Variants in TMEM108 observed in about 807,000 individuals in gnomAD.
The protein encoded by TMEM108 is transmembrane protein 108, also known as cancer/testis antigen 124.
A neutral mutation model predicts 35.1 loss-of-function variants in TMEM108; 12 were observed. The observed-to-expected ratio is 0.34, with a 90% CI of 0.22 to 0.55. The LOEUF (loss-of-function observed/expected upper bound fraction) is 0.55, where lower values mean the gene tolerates loss of function less well. TMEM108 is among the 20% of genes least tolerant of loss of function. The pLI is 0.89. For missense variants in TMEM108, 680 were observed against 753.3 expected, an observed-to-expected ratio of 0.90 and a Z score of 1.14; for synonymous variants, 287 against 308.6, an observed-to-expected ratio of 0.93 and a Z score of 0.73.
chr3:133,269,918 T>C (rs999320408), intron 3 of TMEM108, among the ~76,000 whole-genome samples: 1 of 152,166 alleles, frequency 6.6e-6, no homozygotes, highest in African/African-American at 2.4e-5. Flanking sequence ...ACACCAAACC[T>C]TGAGTGAGTA....
chr3:133,171,232 T>A (rs1945126302), intron 2 of TMEM108, among the ~76,000 whole-genome samples: 1 of 152,244 alleles, frequency 6.6e-6, no homozygotes, highest in Non-Finnish European at 1.5e-5. Flanking sequence ...TATAAATGGA[T>A]GCATGTGATG....
chr3:133,176,042 A>C (rs76461506), intron 2 of TMEM108, among the ~76,000 whole-genome samples: 39,251 of 152,112 alleles, frequency 0.26, 5,351 homozygotes, highest in Middle Eastern at 0.38. Context: ...AAAAAACAGA[A>C]TTTAAACCAA....
chr3:133,149,214 AC>A (rs992849786), intron 2 of TMEM108, among the ~76,000 whole-genome samples: 1 of 151,998 alleles, frequency 6.6e-6, no homozygotes, highest in South Asian at 2.1e-4. Context: ...GTCTCCCCCA[AC>A]CAGCTTTCCT....
chr3:133,127,677 A>G (rs1395628612), intron 2 of TMEM108, among the ~76,000 whole-genome samples: 1 of 152,058 alleles, frequency 6.6e-6, no homozygotes, highest in Non-Finnish European at 1.5e-5. Flanking sequence ...AGGCTGGCTC[A>G]TTTCCATTAT....
chr3:133,369,825 C>T (rs1484231281), intron 3 of TMEM108, among the ~76,000 whole-genome samples: 1 of 152,228 alleles, frequency 6.6e-6, no homozygotes, highest in Non-Finnish European at 1.5e-5. Context: ...TCTGTGGGTA[C>T]ATGATCTCAC....
chr3:133,343,769 A>G (rs901093938), intron 3 of TMEM108, among the ~76,000 whole-genome samples: 2 of 152,046 alleles, frequency 1.3e-5, no homozygotes, highest in Admixed American at 1.3e-4. Flanking sequence ...ATCTGATGGT[A>G]TGCATTTACC....
intron 2 of TMEM108, among the ~76,000 whole-genome samples, chr3:133,089,369 G>A (rs1419254722): frequency 1.3e-5 from 2 of 152,132 alleles, no homozygotes; most frequent in East Asian, 1.9e-4. Context: ...TAATATATTA[G>A]CATATTGAGT....
chr3:133,363,629 C>T (rs56226608), intron 3 of TMEM108, among the ~76,000 whole-genome samples: 47,882 of 151,852 alleles, frequency 0.32, 8,094 homozygotes, highest in East Asian at 0.47. Context: ...TGGTTTTGAA[C>T]TTGTGGGCTC....
At chr3:133,112,355 T>C (rs1407095905) in intron 2 of TMEM108, among the ~76,000 whole-genome samples, 1 of 152,176 alleles carries the variant, frequency 6.6e-6, no homozygotes, top group Non-Finnish European at 1.5e-5. Flanking sequence ...TTTTTTACTT[T>C]TCCCTTCACT....
intron 2 of TMEM108, among the ~76,000 whole-genome samples, chr3:133,226,083 T>G (rs552157049): frequency 2.3e-4 from 35 of 152,194 alleles, no homozygotes; most frequent in South Asian, 2.1e-4. Context: ...AGGTCATAGG[T>G]GTATTCAAAG....
intron 2 of TMEM108, among the ~76,000 whole-genome samples, chr3:133,192,504 AG>A (rs1438207657): frequency 6.6e-6 from 1 of 152,050 alleles, no homozygotes; most frequent in African/African-American, 2.4e-5. Context: ...TCCATTTAAG[AG>A]GAGTCAGAGG....
At chr3:133,335,852 C>T (rs1365059338) in intron 3 of TMEM108, among the ~76,000 whole-genome samples, 2 of 152,332 alleles carry the variant, frequency 1.3e-5, no homozygotes, top group African/African-American at 4.8e-5. Flanking sequence ...TTCCCTCATC[C>T]TCTGCCGGGA....
chr3:133,262,061 G>A (rs1946632752), intron 3 of TMEM108, among the ~76,000 whole-genome samples: 1 of 152,120 alleles, frequency 6.6e-6, no homozygotes, highest in Non-Finnish European at 1.5e-5. Context: ...AACTACATTT[G>A]CCAATGTACT....
chr3:133,286,473 A>G (rs1316289333), intron 3 of TMEM108, among the ~76,000 whole-genome samples: 1 of 152,178 alleles, frequency 6.6e-6, no homozygotes, highest in Non-Finnish European at 1.5e-5. Context: ...AGCCAGGACT[A>G]CAGGCACATG....
In TMEM108 at chr3:133,042,345, C is replaced by T. The variant is rs553500878; in HGVS notation, c.-165-3557C>T. ...TGAACTGATGAGCTTGTCTTTACTA[C>T]CAATGCTAAATACTAAAATCCTGCT... On this transcript the variant is annotated intron_variant, in intron 1 of 5. Transcript: ENST00000321871. Among the ~76,000 whole-genome samples, 11 of 152,228 alleles carry T rather than the reference C, an allele frequency of 7.2e-5. No individual in the cohort carries two copies. The South Asian group carries it at 2.3e-3, about 32-fold the overall frequency.
At chr3:133,349,359 G>C (rs1576482650) in intron 3 of TMEM108, among the ~76,000 whole-genome samples, 2 of 152,100 alleles carry the variant, frequency 1.3e-5, no homozygotes, top group Admixed American at 1.3e-4. Flanking sequence ...TAAAATAGTA[G>C]ACCAGAAGAA....
intron 3 of TMEM108, among the ~76,000 whole-genome samples, chr3:133,267,236 A>G (rs1333684184): frequency 6.6e-6 from 1 of 152,228 alleles, no homozygotes; most frequent in Non-Finnish European, 1.5e-5. Context: ...AAAATGATAT[A>G]GTCCTCTGCC....
intron 3 of TMEM108, among the ~76,000 whole-genome samples, chr3:133,328,311 A>G (rs2071355397): frequency 6.6e-6 from 1 of 152,204 alleles, no homozygotes; most frequent in Non-Finnish European, 1.5e-5. Flanking sequence ...TCCGATCACA[A>G]GAAAATGAGG....
intron 2 of TMEM108, among the ~76,000 whole-genome samples, chr3:133,117,924 G>A (rs1205725360): frequency 2.6e-5 from 4 of 152,154 alleles, no homozygotes; most frequent in African/African-American, 9.7e-5. Flanking sequence ...ACAAAATTCT[G>A]TAGGTGTCCA....
Sources: allele counts gnomAD v4.1 joint callset (sites outside exome capture counted in the v4.1 genomes callset), GRCh38; gene constraint gnomAD v4.1.1; transcripts MANE v1.5; gene names NCBI Gene and HGNC (gene_info 2026-07-23, HGNC 2026-07-21).